ADCY2: variants seen among roughly 807,000 people sequenced by gnomAD.
The protein encoded by ADCY2 is adenylate cyclase 2.
In ADCY2, 31 loss-of-function variants were observed where a neutral mutation model predicts 125.2. That is an observed-to-expected ratio of 0.25 (90% CI 0.19 to 0.33). ADCY2 has a LOEUF of 0.33. Ranked by LOEUF, ADCY2 falls within the 10% of genes least tolerant of loss-of-function variation. ADCY2 has a pLI of 1.00. For missense variants in ADCY2, 904 were observed against 1,418.2 expected, an observed-to-expected ratio of 0.64 and a Z score of 5.82; for synonymous variants, 512 against 548.4, an observed-to-expected ratio of 0.93 and a Z score of 0.93.
intron 3 of ADCY2, among the ~76,000 whole-genome samples, chr5:7,594,157 C>T (rs183537779): frequency 6.6e-5 from 10 of 152,134 alleles, no homozygotes; most frequent in Admixed American, 2.6e-4. Flanking sequence ...GTTACAGTGC[C>T]GAGATGAGAC....
rs545303294 is a variant in ADCY2 at position 7,429,033 on chromosome 5, A to C, written c.408+14263A>C. Among the ~76,000 whole-genome samples the C allele has an allele frequency of 8.0e-3, 1,020 of 127,388 alleles. 8 individuals are homozygous for C. The highest frequency in any genetic ancestry group is 0.048 in the Middle Eastern group (12 of 248). The allele number at this position is 127,388 out of a possible 152,430, so 83.6% of individuals were successfully genotyped here. ...GTTGCACAGAGAGAGAGAGAGAGAG[A>C]GAGAGCTCTAGTGATTTGTAGAGGG... On this transcript the variant is annotated intron_variant, in intron 2 of 24. Coordinates refer to ENST00000338316, the MANE Select transcript of ADCY2 (RefSeq NM_020546.3).
At chr5:7,704,991 T>G (rs1741220388) in intron 7 of ADCY2, among the ~76,000 whole-genome samples, 1 of 152,210 alleles carries the variant, frequency 6.6e-6, no homozygotes, top group Non-Finnish European at 1.5e-5. Context: ...GTCAGCTCGT[T>G]AAGGAGTTCA....
intron 2 of ADCY2, among the ~76,000 whole-genome samples, chr5:7,470,654 G>A (rs1283105667): frequency 6.7e-6 from 1 of 150,016 alleles, no homozygotes; most frequent in African/African-American, 2.5e-5. Flanking sequence ...GTGTGTGTGT[G>A]TGTTTACAAA....
intron 20 of ADCY2, among the ~76,000 whole-genome samples, chr5:7,791,148 A>G (rs371477585): frequency 2.2e-4 from 33 of 151,990 alleles, no homozygotes; most frequent in African/African-American, 8.0e-4. Context: ...TGGCCCTTCT[A>G]TGTTGCAGCC....
chr5:7,600,914 T>C (rs1737179096), intron 3 of ADCY2, among the ~76,000 whole-genome samples: 1 of 152,174 alleles, frequency 6.6e-6, no homozygotes, highest in South Asian at 2.1e-4. Flanking sequence ...TTTCTGAGAA[T>C]AGGTTCATGT....
At chr5:7,598,528 C>T (rs1303116341) in intron 3 of ADCY2, among the ~76,000 whole-genome samples, 1 of 152,214 alleles carries the variant, frequency 6.6e-6, no homozygotes, top group Non-Finnish European at 1.5e-5. Context: ...GTGGGGGGTT[C>T]TGGAATTTTG....
chr5:7,521,347 G>A (rs927078414), intron 3 of ADCY2, among the ~76,000 whole-genome samples: 2 of 150,912 alleles, frequency 1.3e-5, no homozygotes, highest in Admixed American at 1.3e-4. Context: ...TTTCTATCAG[G>A]TCTATGAGCA....
intron 2 of ADCY2, among the ~76,000 whole-genome samples, chr5:7,519,906 T>G (rs1451515285): frequency 6.6e-6 from 1 of 152,238 alleles, no homozygotes; most frequent in African/African-American, 2.4e-5. Context: ...AAAGGAATCA[T>G]ACACTATGAG....
intron 4 of ADCY2, among the ~76,000 whole-genome samples, chr5:7,686,312 C>G (rs1740518962): frequency 6.6e-6 from 1 of 152,194 alleles, no homozygotes; most frequent in African/African-American, 2.4e-5. Context: ...TCAGATTGTT[C>G]TGAACTTTGA....
rs146204130 is a variant in ADCY2, at chr5:7,571,961, G to C, written c.570+51062G>C. The stretch of plus-strand genomic sequence containing the variant: ...AGCTTCATCCATGTCCCTGCAAAAG[G>C]ACATGATCTTATTCTTGTTTATGGC... On this transcript the variant is annotated intron_variant, in intron 3 of 24. Coordinates refer to ENST00000338316, the MANE Select transcript of ADCY2 (RefSeq NM_020546.3). Among the ~76,000 whole-genome samples the C allele has an allele frequency of 2.5e-4, 38 of 152,272 alleles. No homozygotes were observed. The East Asian group carries it at 6.4e-3, about 26-fold the overall frequency.
chr5:7,793,794 C>T (rs912564709), intron 20 of ADCY2: 4 of 152,238 alleles, frequency 2.6e-5, no homozygotes, highest in African/African-American at 9.7e-5. Context: ...TGATATAAAT[C>T]CCCCTGCAGA....
chr5:7,590,193 G>C (rs748741669), intron 3 of ADCY2, among the ~76,000 whole-genome samples: 13 of 152,196 alleles, frequency 8.5e-5, no homozygotes, highest in Non-Finnish European at 1.5e-4. Flanking sequence ...ATGAAAAGGA[G>C]TAATAAGGTA....
intron 2 of ADCY2, among the ~76,000 whole-genome samples, chr5:7,455,986 A>G (rs904615882): frequency 8.0e-5 from 12 of 150,744 alleles, no homozygotes; most frequent in Admixed American, 2.6e-4. Context: ...AAATTTTAAA[A>G]TTGTAAATAA....
At chr5:7,759,521 T>G (rs905880371) in intron 16 of ADCY2, among the ~76,000 whole-genome samples, 4 of 152,154 alleles carry the variant, frequency 2.6e-5, no homozygotes, top group Admixed American at 2.6e-4. Context: ...CTGGAAGCCC[T>G]CCTCCTGCCC....
intron 2 of ADCY2, among the ~76,000 whole-genome samples, chr5:7,477,004 TAA>T (rs1160700052): frequency 6.6e-6 from 1 of 152,192 alleles, no homozygotes; most frequent in Non-Finnish European, 1.5e-5. Flanking sequence ...CCAAGAAACT[TAA>T]GAGTACTTCT....
At position 7,802,371 on chromosome 5, in the gene ADCY2, AC is replaced by A; in HGVS notation, c.2775+8del. 6.2e-7 allele frequency: 1 copy of A among 1,613,748 alleles called. No individual in the cohort carries two copies. The highest frequency in any genetic ancestry group is 1.3e-5 in the African/African-American group (1 of 75,026). On this transcript the variant is annotated splice_region_variant and intron_variant, in intron 21 of 24. Coordinates refer to ENST00000338316, the MANE Select transcript of ADCY2 (RefSeq NM_020546.3). This position sits in a 1 kb window ranked among gnomAD's most constrained non-coding sequence, Gnocchi z 4.6. ...CATCGCTGACTTTGATGATGTAGGTACTGAGAGTTGCCCTCGAAGGGCAGCA... is the reference window on the plus strand; with the variant it reads ...CATCGCTGACTTTGATGATGTAGGTATGAGAGTTGCCCTCGAAGGGCAGCA...
chr5:7,578,848 C>G (rs896344700), intron 3 of ADCY2, among the ~76,000 whole-genome samples: 1 of 152,082 alleles, frequency 6.6e-6, no homozygotes, highest in African/African-American at 2.4e-5. Flanking sequence ...GGTGGGCACA[C>G]AGCCACTCTG....
intron 22 of ADCY2, among the ~76,000 whole-genome samples, chr5:7,813,491 G>A (rs567491947): frequency 3.9e-5 from 6 of 152,330 alleles, no homozygotes; most frequent in Non-Finnish European, 7.3e-5. Context: ...AGAACTGAGC[G>A]AGTAGTCTCT....
chr5:7,448,358 G>A (rs1741353076), intron 2 of ADCY2, among the ~76,000 whole-genome samples: 1 of 152,078 alleles, frequency 6.6e-6, no homozygotes, highest in Admixed American at 6.5e-5. Flanking sequence ...CAGAGTTTCT[G>A]GTGCAAAAAG....
Sources: gnomAD v4.1 joint callset for allele counts (sites outside exome capture counted in the v4.1 genomes callset) on GRCh38, gnomAD v4.1.1 for gene constraint, Gnocchi (gnomAD v3.1) non-coding constraint, MANE v1.5 for transcripts, NCBI Gene and HGNC (gene_info 2026-07-23, HGNC 2026-07-21) for gene names.